Variants in ABLIM1 observed in about 807,000 individuals in gnomAD.
ABLIM1 encodes actin-binding LIM protein 1.
Under a neutral mutation model 107.0 loss-of-function variants are expected in ABLIM1, and 40 were observed. The observed-to-expected ratio is 0.37, with a 90% confidence interval of 0.29 to 0.49. The LOEUF (loss-of-function observed/expected upper bound fraction) is 0.49. Ranked by LOEUF, ABLIM1 falls within the 20% of genes least tolerant of loss-of-function variation. The pLI is 0.97. For synonymous variants in ABLIM1, 357 were observed against 357.3 expected, an observed-to-expected ratio of 1.00 and a Z score of 0.01; for missense variants, 857 against 1,008.5, an observed-to-expected ratio of 0.85 and a Z score of 2.04.
chr10:114,668,208 G>A (rs1395287374), intron 1 of ABLIM1, among the ~76,000 whole-genome samples: 1 of 152,172 alleles, frequency 6.6e-6, no homozygotes, highest in Non-Finnish European at 1.5e-5. Context: ...GCATTTGAGA[G>A]GAGGAAGAAA....
At chr10:114,545,511 C>T (rs2067213611) in intron 5 of ABLIM1, among the ~76,000 whole-genome samples, 1 of 152,176 alleles carries the variant, frequency 6.6e-6, no homozygotes, top group Admixed American at 6.5e-5. Context: ...GAAGAAGATA[C>T]TGGCAAATCA....
At chr10:114,725,378 T>C (rs893223708) in intron 1 of ABLIM1, among the ~76,000 whole-genome samples, 5 of 152,106 alleles carry the variant, frequency 3.3e-5, no homozygotes, top group Admixed American at 6.6e-5. Flanking sequence ...TGGAGCTGGG[T>C]TTTATAAAAT....
Position 114,435,122 on chromosome 10 carries a change from T to C in ABLIM1, c.*1138A>G, listed in dbSNP as rs2059242951. The C allele has an allele frequency of 6.6e-6, 1 of 152,206 alleles. No homozygotes were observed. Among genetic ancestry groups the C allele is most frequent in the African/African-American group, 2.4e-5 (1 of 41,458 alleles). 9.4% of individuals were successfully genotyped at this position (152,206 alleles called of 1,614,324 possible). A position where few individuals can be genotyped will look rare whatever the true frequency, so the allele number is the denominator to read the frequency against. The stretch of plus-strand genomic sequence containing the variant: ...CACACACCCATGAATTCGACAGAGC[T>C]GGGCAAGAAGAAAGCTGAAAAGGCC... On this transcript the variant is annotated 3_prime_UTR_variant, in exon 23 of 23. Transcript: ENST00000533213.
chr10:114,532,838 A>T (rs2065594878), intron 6 of ABLIM1, among the ~76,000 whole-genome samples: 1 of 152,178 alleles, frequency 6.6e-6, no homozygotes, highest in Non-Finnish European at 1.5e-5. Context: ...TGCCCAGCAG[A>T]GGCACAACCC....
Position 114,554,240 on chromosome 10 carries a change from G to A in ABLIM1, c.674-6464C>T, listed in dbSNP as rs185557214. 2.6e-5 allele frequency among the ~76,000 whole-genome samples: 4 copies of A among 152,246 alleles called. No individual in the cohort carries two copies. The East Asian group carries it at 5.8e-4, about 22-fold the overall frequency. On this transcript the variant is annotated intron_variant, in intron 4 of 22. Transcript: ENST00000533213. ...TCCAAAACCCCAAAGGAACCCTGAAGGACAGAAAGGAGATAAGAAAGACCA... is the reference window on the plus strand; with the variant it reads ...TCCAAAACCCCAAAGGAACCCTGAAAGACAGAAAGGAGATAAGAAAGACCA...
At chr10:114,660,913 A>T (rs1301240865), upstream of ABLIM1, among the ~76,000 whole-genome samples, 1 of 152,192 alleles carries the variant, frequency 6.6e-6, no homozygotes, top group Non-Finnish European at 1.5e-5. Context: ...TCCATAACAA[A>T]GCTGTTCGGC....
At chr10:114,527,564 A>G (rs768922345) in intron 6 of ABLIM1, among the ~76,000 whole-genome samples, 28 of 152,184 alleles carry the variant, frequency 1.8e-4, no homozygotes, top group Non-Finnish European at 3.1e-4. Context: ...GCATGTGAAC[A>G]GAGAGGAGGA....
intron 2 of ABLIM1, among the ~76,000 whole-genome samples, chr10:114,576,002 A>C (rs2072485497): frequency 6.6e-6 from 1 of 152,154 alleles, no homozygotes; most frequent in African/African-American, 2.4e-5. Context: ...TTGAGTAATA[A>C]ATTTCCATTA....
At position 114,569,306 on chromosome 10, in the gene ABLIM1, C is replaced by CTCCTTT. The variant is rs1491172081; in HGVS notation, c.673+1990_673+1991insAAAGGA. On this transcript the variant is annotated intron_variant, in intron 4 of 22. Transcript: ENST00000533213. ...TGGAACTCATAAAAATCATAAAAGC[C>CTCCTTT]TCTTTTTCTTTTTCTTTTTTTTTTT... Among the ~76,000 whole-genome samples the CTCCTTT allele has an allele frequency of 7.2e-5, 11 of 151,948 alleles. No homozygotes were observed. The South Asian group carries it at 8.3e-4, about 11-fold the overall frequency.
chr10:114,554,156 C>A (rs1416679731), intron 4 of ABLIM1, among the ~76,000 whole-genome samples: 1 of 152,132 alleles, frequency 6.6e-6, no homozygotes, highest in Non-Finnish European at 1.5e-5. Context: ...CAGAAAGAAG[C>A]ACAATAACGC....
intron 4 of ABLIM1, among the ~76,000 whole-genome samples, chr10:114,564,173 T>C (rs1431713917): frequency 6.6e-6 from 1 of 151,812 alleles, no homozygotes; most frequent in Non-Finnish European, 1.5e-5. Context: ...CAGGCATCCC[T>C]GGACCCGGCC....
Position 114,586,886 on chromosome 10 carries a change from G to A in ABLIM1, c.380-11287C>T, listed in dbSNP as rs540876209. ...AACTCCATTTCAGAAATGATATATAGTTAGTTCTTATACGTTAGGAATTAG... is the reference window on the plus strand; with the variant it reads ...AACTCCATTTCAGAAATGATATATAATTAGTTCTTATACGTTAGGAATTAG... On this transcript the variant is annotated intron_variant, in intron 2 of 22. Transcript: ENST00000533213. 3.3e-5 allele frequency among the ~76,000 whole-genome samples: 5 copies of A among 152,278 alleles called. No homozygotes were observed. The South Asian group carries it at 8.3e-4, about 25-fold the overall frequency.
At chr10:114,748,222 T>A (rs2082426314) in intron 1 of ABLIM1, among the ~76,000 whole-genome samples, 1 of 152,020 alleles carries the variant, frequency 6.6e-6, no homozygotes, top group African/African-American at 2.4e-5. Context: ...ACTCATGAAG[T>A]AAGTTTGGAG....
the ABLIM1 span, among the ~76,000 whole-genome samples, chr10:114,801,082 T>C: frequency 6.5e-3 from 984 of 152,246 alleles, 12 homozygotes; most frequent in African/African-American, 0.023. Context: ...ACATACTGCA[T>C]TCTTATAATA....
At chr10:114,454,532 G>C (rs1032510779) in intron 12 of ABLIM1, among the ~76,000 whole-genome samples, 9 of 152,148 alleles carry the variant, frequency 5.9e-5, no homozygotes, top group South Asian at 2.1e-4. Context: ...ACCTTGTCTG[G>C]AAGGCATGGT....
intron 1 of ABLIM1, among the ~76,000 whole-genome samples, chr10:114,748,375 G>C (rs1173951815): frequency 1.3e-5 from 2 of 152,148 alleles, no homozygotes; most frequent in East Asian, 3.9e-4. Context: ...AGAAGGAAGA[G>C]AGCAGTTCAA....
At chr10:114,659,668 CCATGTTGGTGTGCTGCA>C (rs915410946), upstream of ABLIM1, among the ~76,000 whole-genome samples, 2 of 152,086 alleles carry the variant, frequency 1.3e-5, no homozygotes, top group African/African-American at 4.8e-5. Context: ...CATACATGTG[CCATGTTGGTGTGCTGCA>C]CCCATTAACT....
intron 1 of ABLIM1, among the ~76,000 whole-genome samples, chr10:114,701,255 T>C (rs1425526388): frequency 6.6e-6 from 1 of 152,118 alleles, no homozygotes; most frequent in Non-Finnish European, 1.5e-5. Context: ...CTATGCCAAA[T>C]TAAAATACCA....
the ABLIM1 span, among the ~76,000 whole-genome samples, chr10:114,781,738 G>C: frequency 3.3e-5 from 5 of 149,482 alleles, no homozygotes; most frequent in Admixed American, 6.7e-5. Context: ...TGATTGAAAA[G>C]GTTTATTTTT....
Sources: allele counts gnomAD v4.1 joint callset (sites outside exome capture counted in the v4.1 genomes callset), GRCh38; gene constraint gnomAD v4.1.1; transcripts MANE v1.5; gene names NCBI Gene and HGNC (gene_info 2026-07-23, HGNC 2026-07-21).